Variants in DNAH14 observed in about 807,000 individuals in gnomAD.
DNAH14 encodes the protein axonemal beta dynein heavy chain 14.
DNAH14 carries 478 observed loss-of-function variants against 520.9 expected under a neutral mutation model. The ratio of observed to expected loss-of-function variants is 0.92; its 90% CI spans 0.85 to 0.99. DNAH14 has a LOEUF of 0.99. Ranked by LOEUF, DNAH14 falls within the 50% of genes least tolerant of loss-of-function variation. The probability of loss-of-function intolerance (pLI) is 0.00; values close to 1 mark genes in which losing one functional copy is unlikely to be tolerated. For missense variants in DNAH14, 4,831 were observed against 5,234.5 expected, an observed-to-expected ratio of 0.92 and a Z score of 2.38; for synonymous variants, 1,581 against 1,757.2, an observed-to-expected ratio of 0.90 and a Z score of 2.51.
chr1:225,335,733 G>A (rs2094984293), intron 66 of DNAH14, among the ~76,000 whole-genome samples: 2 of 83,346 alleles, frequency 2.4e-5, no homozygotes, highest in African/African-American at 6.3e-5. Context: ...ATACATATGT[G>A]CATATATGTA....
intron 17 of DNAH14, among the ~76,000 whole-genome samples, chr1:225,057,834 T>G (rs1422783672): frequency 6.6e-6 from 1 of 152,234 alleles, no homozygotes; most frequent in Non-Finnish European, 1.5e-5. Context: ...ATTACGTTTA[T>G]TGATTTTCGT....
rs547824881 is a variant in DNAH14, at chr1:225,046,498, C to T, written c.1912+2515C>T. 6.6e-5 allele frequency among the ~76,000 whole-genome samples: 10 copies of T among 152,234 alleles called. No individual in the cohort carries two copies. In the South Asian group the frequency reaches 2.1e-3, roughly 32 times the overall value. On this transcript the variant is annotated intron_variant, in intron 15 of 85. Transcript: ENST00000682510. ...GCGTATGTTGTGAAGTAGGACTTCA[C>T]TTTTAATTTTTCTCAGATGACTAAT...
chr1:225,014,856 T>C (rs949685739), intron 10 of DNAH14, among the ~76,000 whole-genome samples: 2 of 152,214 alleles, frequency 1.3e-5, no homozygotes, highest in African/African-American at 2.4e-5. Context: ...TTTGTTGGGC[T>C]TCTGTCTAGA....
chr1:225,336,004 T>C (rs1167818013), intron 66 of DNAH14, among the ~76,000 whole-genome samples: 1 of 84,836 alleles, frequency 1.2e-5, no homozygotes, highest in Non-Finnish European at 2.4e-5. Context: ...TATGCATATA[T>C]GTATACGCAT....
At chr1:225,307,831 G>A (rs565547087) in intron 59 of DNAH14, among the ~76,000 whole-genome samples, 3 of 152,222 alleles carry the variant, frequency 2.0e-5, no homozygotes, top group Non-Finnish European at 4.4e-5. Context: ...ATAGCTAACT[G>A]TAGAAGCTTA....
At chr1:225,203,484 T>G (rs1471543870) in intron 38 of DNAH14, among the ~76,000 whole-genome samples, 1 of 152,134 alleles carries the variant, frequency 6.6e-6, no homozygotes, top group East Asian at 1.9e-4. Context: ...ATTATTTGGT[T>G]TTCTCCCTGA....
chr1:225,227,064 C>T (rs910610811), intron 41 of DNAH14, among the ~76,000 whole-genome samples: 2 of 152,030 alleles, frequency 1.3e-5, no homozygotes, highest in Non-Finnish European at 2.9e-5. Flanking sequence ...GGTTTTACAC[C>T]GAGACATTTC....
intron 58 of DNAH14, among the ~76,000 whole-genome samples, chr1:225,306,370 C>T (rs2094241883): frequency 6.6e-6 from 1 of 152,174 alleles, no homozygotes; most frequent in Non-Finnish European, 1.5e-5. Flanking sequence ...AGGCTGTTCA[C>T]TCCTGGGGTC....
chr1:225,142,233 A>G (rs1467583627), intron 28 of DNAH14, among the ~76,000 whole-genome samples: 1 of 152,224 alleles, frequency 6.6e-6, no homozygotes, highest in African/African-American at 2.4e-5. Flanking sequence ...AAGGTAAACT[A>G]GAAAAGAGAA....
chr1:224,979,075 G>A (rs1369684919), intron 8 of DNAH14, among the ~76,000 whole-genome samples: 1 of 152,152 alleles, frequency 6.6e-6, no homozygotes, highest in African/African-American at 2.4e-5. Flanking sequence ...TGGATTAGGG[G>A]TGGGGCAAGA....
At chr1:225,320,762 C>A (rs2094543151) in intron 61 of DNAH14, among the ~76,000 whole-genome samples, 1 of 152,120 alleles carries the variant, frequency 6.6e-6, no homozygotes, top group Non-Finnish European at 1.5e-5. Flanking sequence ...AGGAAAGATC[C>A]AAGACAGACT....
chr1:225,126,128 A>G (rs1213286516), intron 27 of DNAH14, among the ~76,000 whole-genome samples: 1 of 152,216 alleles, frequency 6.6e-6, no homozygotes, highest in African/African-American at 2.4e-5. Context: ...TTAATTGCAG[A>G]TCACCATAAC....
chr1:225,174,121 G>A (rs2083042696), intron 36 of DNAH14, among the ~76,000 whole-genome samples: 1 of 152,078 alleles, frequency 6.6e-6, no homozygotes, highest in Non-Finnish European at 1.5e-5. Flanking sequence ...TGGGGTTGGG[G>A]GAGAGGGGAG....
Position 225,398,533 on chromosome 1 carries a change from C to T in DNAH14, c.13505C>T (p.Ser4502Phe). 6.4e-7 allele frequency: 1 copy of T among 1,551,702 alleles called. No homozygotes were observed. The highest frequency in any genetic ancestry group is 1.2e-5 in the South Asian group (1 of 84,052). Residue 4502 changes from serine to phenylalanine, a missense_variant, in exon 85 of 86, where the codon TCT becomes TTT. Ser to Phe is a radical substitution (Grantham distance 155). Transcript: ENST00000682510. ...VRRAFKGSAS[S>F]HTGVYIFGLF... Reference sequence around the variant, plus strand: ...CTTCCATCTTAGGGCTCAGCTTCCTCTCACACTGGAGTTTACATTTTTGGT... The same window carrying T: ...CTTCCATCTTAGGGCTCAGCTTCCTTTCACACTGGAGTTTACATTTTTGGT...
intron 10 of DNAH14, among the ~76,000 whole-genome samples, chr1:225,012,802 C>T (rs2064896978): frequency 6.6e-6 from 1 of 152,130 alleles, no homozygotes. Context: ...CTGTGTTTTT[C>T]AGCTCCGTCA....
intron 41 of DNAH14, among the ~76,000 whole-genome samples, chr1:225,226,729 G>A (rs2090573707): frequency 6.6e-6 from 1 of 152,184 alleles, no homozygotes; most frequent in Admixed American, 6.5e-5. Context: ...CCGGCGCTCA[G>A]CAAGTGAGGA....
At chr1:225,188,409 C>T (rs773796283) in intron 37 of DNAH14, among the ~76,000 whole-genome samples, 1 of 151,888 alleles carries the variant, frequency 6.6e-6, no homozygotes, top group Non-Finnish European at 1.5e-5. Context: ...TAAGTTATTA[C>T]ATCATATTGT....
intron 36 of DNAH14, among the ~76,000 whole-genome samples, chr1:225,174,570 T>G (rs539368593): frequency 1.0e-3 from 157 of 152,324 alleles, no homozygotes; most frequent in Non-Finnish European, 8.8e-5. Flanking sequence ...TAAAAGCTTT[T>G]TGGTGGAGTC....
At chr1:224,992,730 C>G (rs1054620000) in intron 8 of DNAH14, among the ~76,000 whole-genome samples, 15 of 152,044 alleles carry the variant, frequency 9.9e-5, no homozygotes, top group African/African-American at 3.6e-4. Flanking sequence ...ACAAGGACTT[C>G]TACTACTATG....
Sources: gnomAD v4.1 joint callset for allele counts (sites outside exome capture counted in the v4.1 genomes callset) on GRCh38, gnomAD v4.1.1 for gene constraint, MANE v1.5 for transcripts, NCBI Gene and HGNC (gene_info 2026-07-23, HGNC 2026-07-21) for gene names.